The following PLCH1 variants were observed in gnomAD, a reference collection of about 807,000 sequenced individuals.
PLCH1 encodes the protein phospholipase C eta 1, also known as 1-phosphatidylinositol 4,5-bisphosphate phosphodiesterase eta-1.
PLCH1 carries 60 observed loss-of-function variants against 126.7 expected under a neutral mutation model. The ratio of observed to expected loss-of-function variants is 0.47; its 90% CI spans 0.38 to 0.59. The LOEUF is 0.59. Ranked by LOEUF, PLCH1 falls within the 20% of genes least tolerant of loss-of-function variation. The pLI is 0.00. For synonymous variants in PLCH1, 719 were observed against 734.9 expected (o/e 0.98, Z 0.35); for missense variants, 1,723 against 2,040.0 (o/e 0.84, Z 2.99).
chr3:155,497,248 T>A, intron 15 of PLCH1, 72 bp downstream of exon 15: 1 of 1,114,336 alleles, frequency 9.0e-7, no homozygotes, highest in Non-Finnish European at 1.3e-6. Context: ...TTAACAAAAA[T>A]TCATTAACAA....
intron 15 of PLCH1, among the ~76,000 whole-genome samples, chr3:155,494,986 A>G (rs1176683546): frequency 6.6e-6 from 1 of 152,240 alleles, no homozygotes; most frequent in Non-Finnish European, 1.5e-5. Context: ...TATTACTAGT[A>G]ACATCCAGGA....
At chr3:155,740,283 C>T (rs777199393) in intron 1 of PLCH1, among the ~76,000 whole-genome samples, 6 of 151,764 alleles carry the variant, frequency 4.0e-5, no homozygotes, top group South Asian at 2.1e-4. Context: ...TGATGGCGGG[C>T]GCCTGTAATC....
In PLCH1 at chr3:155,481,157, G is replaced by C. The variant is rs201236953; in HGVS notation, c.4869C>G (p.Thr1623=). 1.2e-6 allele frequency: 2 copies of C among 1,614,228 alleles called. No homozygotes were observed. Among genetic ancestry groups the C allele is most frequent in the South Asian group, 1.1e-5 (1 of 91,082 alleles). Reference sequence around the variant, plus strand: ...TCAGGTAGCCTGCGATGTAGGAGCCGGTGGAGTGGCGATTCACTGCAGGGG... The same window carrying C: ...TCAGGTAGCCTGCGATGTAGGAGCCCGTGGAGTGGCGATTCACTGCAGGGG... ...APTPAVNRHS[T]GSYIAGYLKN... The change falls in exon 23 of 23, where the codon ACC becomes ACG. Residue 1623 remains threonine (T), a synonymous_variant. Transcript: ENST00000460012. The surrounding 1 kb of genome is among the most constrained non-coding windows in gnomAD (Gnocchi z 4.2).
intron 1 of PLCH1, chr3:155,743,338 C>T: frequency 2.4e-6 from 1 of 408,950 alleles, no homozygotes. Flanking sequence ...TCCAGACCAG[C>T]CTGGCCAATA....
intron 2 of PLCH1, among the ~76,000 whole-genome samples, chr3:155,675,457 C>T (rs899201807): frequency 3.3e-5 from 5 of 152,308 alleles, no homozygotes; most frequent in Admixed American, 2.6e-4. Flanking sequence ...TACATGGATC[C>T]TGCCTCCATT....
At chr3:155,682,578 C>T (rs1744622721) in intron 2 of PLCH1, among the ~76,000 whole-genome samples, 1 of 152,156 alleles carries the variant, frequency 6.6e-6, no homozygotes, top group Admixed American at 6.5e-5. Context: ...AGCCTGACAG[C>T]AACTACAGGA....
chr3:155,609,126 A>C (rs1487102863), intron 2 of PLCH1, among the ~76,000 whole-genome samples: 1 of 152,144 alleles, frequency 6.6e-6, no homozygotes, highest in African/African-American at 2.4e-5. Context: ...CAAGCAACAA[A>C]TCTCACAGAG....
intron 10 of PLCH1, among the ~76,000 whole-genome samples, chr3:155,545,456 G>A (rs1191786324): frequency 6.8e-6 from 1 of 148,056 alleles, no homozygotes; most frequent in Non-Finnish European, 1.5e-5. Flanking sequence ...TTCTACCAGA[G>A]GTACAAGGAG....
chr3:155,470,873 T>A (rs1352198873), intron 21 of PLCH1, among the ~76,000 whole-genome samples: 1 of 151,926 alleles, frequency 6.6e-6, no homozygotes, highest in Non-Finnish European at 1.5e-5. Context: ...AACAAGCAAA[T>A]GCTGAGAGAT....
chr3:155,557,642 T>C (rs1727000364), intron 8 of PLCH1, among the ~76,000 whole-genome samples: 1 of 152,164 alleles, frequency 6.6e-6, no homozygotes. Flanking sequence ...TTCCTGTAAG[T>C]GCTAATGCTG....
At chr3:155,686,552 C>T (rs1029236982) in intron 2 of PLCH1, among the ~76,000 whole-genome samples, 1 of 152,066 alleles carries the variant, frequency 6.6e-6, no homozygotes, top group Non-Finnish European at 1.5e-5. Flanking sequence ...TCACAATGCA[C>T]CCATATTGCT....
intron 10 of PLCH1, among the ~76,000 whole-genome samples, chr3:155,527,936 T>A (rs783551): frequency 0.82 from 119,506 of 145,168 alleles, 50,151 homozygotes; most frequent in Middle Eastern, 0.96. Flanking sequence ...AAAAAAAAAA[T>A]GTTGGGGCCA....
chr3:155,485,265 A>G (rs1006101868), intron 22 of PLCH1, 91 bp downstream of exon 22: 1 of 765,480 alleles, frequency 1.3e-6, no homozygotes, highest in African/African-American at 1.7e-5. Context: ...TTTTACTTTG[A>G]CTACAGAATG....
rs564954511 is a variant in PLCH1, at chr3:155,564,767, G to C, written c.1069+148C>G. On this transcript the variant is annotated intron_variant, in intron 8 of 22. Transcript: ENST00000460012. ...AATAAGGAGCCAGAGAGAATTATGA[G>C]TTAAGATTGACTTTACAATGAGCAG... 1.7e-5 allele frequency: 10 copies of C among 580,398 alleles called. No individual in the cohort carries two copies. The Admixed American group carries it at 2.3e-4, about 14-fold the overall frequency. 36.0% of individuals were successfully genotyped at this position (580,398 alleles called of 1,614,324 possible).
At chr3:155,505,455 C>T (rs1718511129) in intron 12 of PLCH1, among the ~76,000 whole-genome samples, 1 of 152,116 alleles carries the variant, frequency 6.6e-6, no homozygotes, top group African/African-American at 2.4e-5. Context: ...CCTACCTGAC[C>T]AAGACTCCAG....
intron 1 of PLCH1, among the ~76,000 whole-genome samples, chr3:155,707,165 T>A (rs1467553916): frequency 6.6e-6 from 1 of 152,204 alleles, no homozygotes; most frequent in East Asian, 1.9e-4. Flanking sequence ...GCCAATGCCT[T>A]GATCTTAGAC....
intron 2 of PLCH1, among the ~76,000 whole-genome samples, chr3:155,603,326 G>A (rs1171865219): frequency 1.3e-5 from 2 of 152,212 alleles, no homozygotes; most frequent in South Asian, 2.1e-4. Context: ...AATGATGCAG[G>A]TAATGTTTGT....
chr3:155,602,703 G>C (rs6807629), intron 2 of PLCH1, among the ~76,000 whole-genome samples: 4 of 151,962 alleles, frequency 2.6e-5, no homozygotes, highest in African/African-American at 4.8e-5. Context: ...ACACAGAAAA[G>C]GTACAATAAA....
At chr3:155,644,234 G>A (rs1739739115) in intron 2 of PLCH1, among the ~76,000 whole-genome samples, 1 of 152,140 alleles carries the variant, frequency 6.6e-6, no homozygotes, top group African/African-American at 2.4e-5. Flanking sequence ...CTTTTTGTTT[G>A]TAGTCTCTGG....
Sources: gnomAD v4.1 joint callset for allele counts (sites outside exome capture counted in the v4.1 genomes callset) on GRCh38, gnomAD v4.1.1 for gene constraint, Gnocchi (gnomAD v3.1) non-coding constraint, MANE v1.5 for transcripts, NCBI Gene and HGNC (gene_info 2026-07-23, HGNC 2026-07-21) for gene names.